The following CTDSP1 variants were observed in gnomAD, a reference collection of about 807,000 sequenced individuals.
CTDSP1 encodes the protein CTD small phosphatase 1, also known as carboxy-terminal domain RNA polymerase II polypeptide A small phosphatase 1.
CTDSP1 carries 15 observed loss-of-function variants against 32.5 expected under a neutral mutation model. The ratio of observed to expected loss-of-function variants is 0.46; its 90% CI spans 0.31 to 0.71. CTDSP1 has a LOEUF of 0.71. Among genes scored for constraint, CTDSP1 ranks in the 30% least tolerant of loss-of-function variants. The probability of loss-of-function intolerance (pLI) is 0.05; values close to 1 mark genes in which losing one functional copy is unlikely to be tolerated. For missense variants in CTDSP1, 294 were observed against 351.1 expected (o/e 0.84, Z 1.30); for synonymous variants, 185 against 145.4 (o/e 1.27, Z -1.96).
In CTDSP1 at chr2:218,401,664, T is replaced by G; in HGVS notation, c.168T>G (p.Ala56=). ...VCRDDGEALP[A]HSGAPLLVEE... Reference sequence around the variant, plus strand: ...GGGATGATGGGGAGGCCCTGCCTGCTCACAGCGGGGCGCCCCTGCTTGTGG... The same window carrying G: ...GGGATGATGGGGAGGCCCTGCCTGCGCACAGCGGGGCGCCCCTGCTTGTGG... Residue 56 remains alanine, a synonymous_variant, in exon 2 of 7, where the codon GCT becomes GCG. Coordinates refer to ENST00000273062, the MANE Select transcript of CTDSP1 (RefSeq NM_021198.3). 1 of 1,609,490 alleles carries G rather than the reference T, an allele frequency of 6.2e-7. No individual in the cohort carries two copies. The highest frequency in any genetic ancestry group is 2.2e-5 in the East Asian group (1 of 44,818).
Position 218,404,778 on chromosome 2 carries a change from G to C in CTDSP1, c.*353G>C. 4.7e-6 allele frequency: 1 copy of C among 211,624 alleles called. No individual in the cohort carries two copies. The highest frequency in any genetic ancestry group is 9.5e-6 in the Non-Finnish European group (1 of 104,960). The allele number at this position is 211,624 out of a possible 1,614,324, so 13.1% of individuals were successfully genotyped here. A position where few individuals can be genotyped will look rare whatever the true frequency, so the allele number is the denominator to read the frequency against. The stretch of plus-strand genomic sequence containing the variant: ...TTCCGGTTCTGCTTCCTGGGGGCAG[G>C]GTTCCTGCCTTGGACCCCCAGTCTG... On this transcript the variant is annotated 3_prime_UTR_variant, in exon 7 of 7. Coordinates refer to ENST00000273062, the MANE Select transcript of CTDSP1 (RefSeq NM_021198.3).
upstream of CTDSP1, among the ~76,000 whole-genome samples, chr2:218,397,560 G>A (rs1318889144): frequency 6.6e-6 from 1 of 152,202 alleles, no homozygotes; most frequent in Non-Finnish European, 1.5e-5. Flanking sequence ...AAATCCACAG[G>A]TGCCAGACAG....
In CTDSP1 at chr2:218,404,299, A is replaced by T; in HGVS notation, c.660A>T (p.Val220=). ...TCTTCCTACACCCACTTCCCCAGGT[A>T]CCGGTGGCCTCGTGGTTTGACAACA... ...ASYVFHPDNA[V]PVASWFDNMS... is the part of the protein sequence containing the mutation. The change falls in exon 7 of 7, where the codon GTA becomes GTT. Residue 220 remains valine, a splice_region_variant and synonymous_variant. Coordinates refer to ENST00000273062, the MANE Select transcript of CTDSP1 (RefSeq NM_021198.3). 6.2e-7 allele frequency: 1 copy of T among 1,614,046 alleles called. No homozygotes were observed. The highest frequency in any genetic ancestry group is 1.3e-5 in the African/African-American group (1 of 75,050).
At position 218,401,710 on chromosome 2, in the gene CTDSP1, A is replaced by G; in HGVS notation, c.214A>G (p.Lys72Glu). Residue 72 changes from lysine (K) to glutamate (E), a missense_variant and splice_region_variant, in exon 2 of 7, where the codon AAG becomes GAG. This residue lies in a region of CTDSP1 where 148 missense variants were observed against 113.3 expected (regional missense o/e 1.31). Transcript: ENST00000273062. ...LLVEENGAIP[K>E]QTPVQYLLPE... ...TGTGGAGGAGAATGGCGCCATCCCTAAGGTGCGTGGGGGCCAGGTGGGGCC... is the reference window on the plus strand; with the variant it reads ...TGTGGAGGAGAATGGCGCCATCCCTGAGGTGCGTGGGGGCCAGGTGGGGCC... 1.3e-6 allele frequency: 2 copies of G among 1,572,734 alleles called. No individual in the cohort carries two copies. Among genetic ancestry groups the G allele is most frequent in the Non-Finnish European group, 1.7e-6 (2 of 1,158,912 alleles).
chr2:218,397,057 A>G (rs1380975702), upstream of CTDSP1, among the ~76,000 whole-genome samples: 3 of 152,108 alleles, frequency 2.0e-5, no homozygotes, highest in African/African-American at 7.2e-5. Flanking sequence ...AGGAGGAATG[A>G]GAGTGCCAGG....
chr2:218,401,757 C>G (rs1385947593), intron 2 of CTDSP1, 45 bp downstream of exon 2: 3 of 1,496,430 alleles, frequency 2.0e-6, no homozygotes, highest in Middle Eastern at 1.8e-4. Context: ...TGGACTCAGT[C>G]TTCAGGGCTT....
rs1697250189 is a variant in CTDSP1, at chr2:218,403,277, C to T, written c.517C>T (p.Arg173Trp). The change falls in exon 6 of 7, where the codon CGG (arginine) becomes TGG (tryptophan). Residue 173 changes from arginine to tryptophan, a missense_variant. Arg to Trp is a moderately radical substitution (Grantham distance 101). Coordinates refer to ENST00000273062, the MANE Select transcript of CTDSP1 (RefSeq NM_021198.3). ...CCTGCTGGACAAATGGGGGGCCTTC[C>T]GGGCCCGGCTGTTTCGAGAGTCCTG... ...ADLLDKWGAF[R>W]ARLFRESCVF... 1 of 1,613,836 alleles carries T rather than the reference C, an allele frequency of 6.2e-7. No homozygotes were observed. Among genetic ancestry groups the T allele is most frequent in the Non-Finnish European group, 8.5e-7 (1 of 1,179,848 alleles).
intron 2 of CTDSP1, among the ~76,000 whole-genome samples, 198 bp downstream of exon 2, chr2:218,401,910 C>T (rs543297376): frequency 6.6e-6 from 1 of 152,184 alleles, no homozygotes; most frequent in African/African-American, 2.4e-5. Context: ...AAGCTTTTTC[C>T]TACCTTGGTT....
intron 1 of CTDSP1, 73 bp from the exon 2 acceptor site, chr2:218,401,491 A>C: frequency 6.4e-7 from 1 of 1,558,698 alleles, no homozygotes; most frequent in Non-Finnish European, 8.7e-7. Context: ...TCAGGGGTTC[A>C]CACCTGGGCA....
At chr2:218,403,179 C>A (rs777740284) in intron 5 of CTDSP1, 52 bp downstream of exon 5, 2 of 1,612,814 alleles carry the variant, frequency 1.2e-6, no homozygotes, top group Non-Finnish European at 1.7e-6. Context: ...CTACCTCCCG[C>A]ATGCAGCCCA....
At position 218,399,936 on chromosome 2, in the gene CTDSP1, C is replaced by T; in HGVS notation, c.-155C>T. 1 of 1,066,894 alleles carries T rather than the reference C, an allele frequency of 9.4e-7. No individual in the cohort carries two copies. The highest frequency in any genetic ancestry group is 1.1e-6 in the Non-Finnish European group (1 of 872,110). 66.1% of individuals were successfully genotyped at this position (1,066,894 alleles called of 1,614,324 possible). A position where few individuals can be genotyped will look rare whatever the true frequency, so the allele number is the denominator to read the frequency against. On this transcript the variant is annotated 5_prime_UTR_variant, in exon 1 of 7. Coordinates refer to ENST00000273062, the MANE Select transcript of CTDSP1 (RefSeq NM_021198.3). ...TCCTCCGCGCCCCCTCCCTCCCCCT[C>T]CCCCCTAGAACCTGGCTCCCCTCCC...
intron 1 of CTDSP1, chr2:218,400,710 G>A (rs1317328055): frequency 4.4e-6 from 2 of 455,782 alleles, no homozygotes; most frequent in Admixed American, 4.7e-5. Flanking sequence ...GCACAGAGAG[G>A]ACGGCCGGCA....
intron 4 of CTDSP1, 61 bp from the exon 5 acceptor site, chr2:218,402,973 GC>G: frequency 1.6e-6 from 2 of 1,280,470 alleles, no homozygotes; most frequent in Non-Finnish European, 2.3e-6. Flanking sequence ...TGCCCTGCCA[GC>G]CCTCGGCCAC....
rs34580478 is a variant in CTDSP1, at chr2:218,404,375, C to T, written c.736C>T (p.Arg246Cys). 1.8e-4 allele frequency: 296 copies of T among 1,614,130 alleles called. No homozygotes were observed. Among genetic ancestry groups the T allele is most frequent in the African/African-American group, 1.7e-3 (128 of 75,048 alleles). Residue 246 changes from arginine (R) to cysteine (C), a missense_variant, in exon 7 of 7, where the codon CGT becomes TGT. Transcript: ENST00000273062. ...CCTCCCCTTCTTCGAGCAACTCAGC[C>T]GTGTGGACGACGTGTACTCAGTGCT... The part of the protein sequence containing the change: ...DLLPFFEQLS[R>C]VDDVYSVLRQ...
chr2:218,404,671 G>C lies in CTDSP1; in HGVS notation c.*246G>C. 1 of 458,354 alleles carries C rather than the reference G, an allele frequency of 2.2e-6. No homozygotes were observed. The highest frequency in any genetic ancestry group is 3.9e-6 in the Non-Finnish European group (1 of 258,816). 28.4% of individuals were successfully genotyped at this position (458,354 alleles called of 1,614,324 possible). A position where few individuals can be genotyped will look rare whatever the true frequency, so the allele number is the denominator to read the frequency against. On this transcript the variant is annotated 3_prime_UTR_variant, in exon 7 of 7. Coordinates refer to ENST00000273062, the MANE Select transcript of CTDSP1 (RefSeq NM_021198.3). ...CCTCCCCTATTCTCAGGGGACCTGG[G>C]GGGCCCTGCCTGCTGCTCCCTTTTT...
At chr2:218,403,168 C>T (rs767036952) in intron 5 of CTDSP1, 41 bp downstream of exon 5, 5 of 1,613,258 alleles carry the variant, frequency 3.1e-6, no homozygotes, top group Non-Finnish European at 4.2e-6. Flanking sequence ...TGCCCTCCTA[C>T]CTACCTCCCG....
intron 1 of CTDSP1, chr2:218,400,975 GGGGGT>G: frequency 6.7e-6 from 3 of 447,674 alleles, no homozygotes; most frequent in Admixed American, 4.8e-5. Flanking sequence ...GGGGCCGGAG[GGGGGT>G]GGGGTGGGAG....
chr2:218,401,739 G>A (rs752920374), intron 2 of CTDSP1, 27 bp downstream of exon 2: 2 of 1,531,010 alleles, frequency 1.3e-6, no homozygotes, highest in Non-Finnish European at 1.8e-6. Flanking sequence ...TGGGGCCACG[G>A]GGGCACCTGG....
chr2:218,400,640 C>T (rs1323043234), intron 1 of CTDSP1: 10 of 426,260 alleles, frequency 2.3e-5, no homozygotes, highest in Non-Finnish European at 4.3e-5. Context: ...CTCCCGCCAA[C>T]ACACAGCTAC....
Sources: gnomAD v4.1 joint callset for allele counts (sites outside exome capture counted in the v4.1 genomes callset) on GRCh38, gnomAD v4.1.1 for gene constraint, gnomAD v4.1.1 regional missense constraint, MANE v1.5 for transcripts, NCBI Gene and HGNC (gene_info 2026-07-23, HGNC 2026-07-21) for gene names.